The following DDAH1 variants were observed in gnomAD, a reference collection of about 807,000 sequenced individuals.
DDAH1 encodes N(G),N(G)-dimethylarginine dimethylaminohydrolase 1.
DDAH1 carries 19 observed loss-of-function variants against 28.8 expected under a neutral mutation model. That is an observed-to-expected ratio of 0.66 (90% CI 0.46 to 0.97). DDAH1 has a LOEUF of 0.97. DDAH1 is among the 50% of genes least tolerant of loss of function. The pLI is 0.00. For missense variants in DDAH1, 326 were observed against 375.9 expected (o/e 0.87, Z 1.10); for synonymous variants, 153 against 154.4 (o/e 0.99, Z 0.07).
chr1:85,484,974 C>A (rs534447050), intron 2 of DDAH1, among the ~76,000 whole-genome samples: 32 of 152,296 alleles, frequency 2.1e-4, no homozygotes, highest in African/African-American at 7.7e-4. Context: ...TAATACTAAA[C>A]CCTTCTTAGT....
intron 1 of DDAH1, among the ~76,000 whole-genome samples, chr1:85,432,190 G>A (rs1461752916): frequency 6.6e-6 from 1 of 152,152 alleles, no homozygotes; most frequent in African/African-American, 2.4e-5. Context: ...AGAGCATGAA[G>A]AAATGAATAA....
At chr1:85,324,112 A>G (rs1260825964) in intron 5 of DDAH1, among the ~76,000 whole-genome samples, 2 of 151,570 alleles carry the variant, frequency 1.3e-5, no homozygotes, top group African/African-American at 4.8e-5. Flanking sequence ...TCTATTAAAA[A>G]TACAAAAATT....
At chr1:85,576,188 C>T (rs1180112624) in intron 1 of DDAH1, among the ~76,000 whole-genome samples, 1 of 151,912 alleles carries the variant, frequency 6.6e-6, no homozygotes, top group Non-Finnish European at 1.5e-5. Context: ...TAAAATGATG[C>T]CCAACCTATG....
At chr1:85,346,924 AAAC>A (rs2100834439) in intron 4 of DDAH1, among the ~76,000 whole-genome samples, 1 of 152,166 alleles carries the variant, frequency 6.6e-6, no homozygotes, top group African/African-American at 2.4e-5. Flanking sequence ...TACAAGAAAA[AAAC>A]AAACAACCCC....
chr1:85,437,812 T>C (rs1216810574), intron 1 of DDAH1, among the ~76,000 whole-genome samples: 3 of 152,186 alleles, frequency 2.0e-5, no homozygotes, highest in Admixed American at 1.3e-4. Context: ...ACCATTAATG[T>C]TAGGACTTCT....
chr1:85,487,183 C>A, intron 2 of DDAH1, among the ~76,000 whole-genome samples: 1 of 152,340 alleles, frequency 6.6e-6, no homozygotes, highest in Non-Finnish European at 1.5e-5. Context: ...GGACTTCCAA[C>A]CAAGGGAAGT....
chr1:85,380,408 G>C (rs190460634), intron 1 of DDAH1: 1 of 152,140 alleles, frequency 6.6e-6, no homozygotes, highest in Admixed American at 6.5e-5. Context: ...CCAGCATTTT[G>C]TGCTGGCATC....
chr1:85,342,989 T>A (rs1648600165), intron 4 of DDAH1, among the ~76,000 whole-genome samples: 1 of 152,166 alleles, frequency 6.6e-6, no homozygotes, highest in Non-Finnish European at 1.5e-5. Flanking sequence ...ACTTATAGAC[T>A]TTTTCTTTCA....
chr1:85,332,343 C>T (rs1275244937), intron 4 of DDAH1, among the ~76,000 whole-genome samples: 1 of 152,162 alleles, frequency 6.6e-6, no homozygotes, highest in Non-Finnish European at 1.5e-5. Flanking sequence ...GAGGGTGATC[C>T]TGGGACAAAG....
In DDAH1 at chr1:85,536,977, AT is replaced by A. The variant is rs1658304805; in HGVS notation, c.-122-40697del. Among the ~76,000 whole-genome samples the A allele has an allele frequency of 7.0e-4, 41 of 58,940 alleles. 1 individual carries two copies. The highest frequency in any genetic ancestry group is 1.1e-3 in the Non-Finnish European group (35 of 32,122). The allele number at this position is 58,940 out of a possible 152,430, so 38.7% of individuals were successfully genotyped here. ...TATATATATATATATATATATATAT[AT>A]ATATATACGTATATACATACACACA... On this transcript the variant is annotated intron_variant, in intron 1 of 6. Coordinates refer to the DDAH1 transcript ENST00000426972.
At chr1:85,516,501 G>A (rs568529210) in intron 1 of DDAH1, among the ~76,000 whole-genome samples, 26 of 151,594 alleles carry the variant, frequency 1.7e-4, no homozygotes, top group African/African-American at 5.8e-4. Flanking sequence ...GAGTCATTAC[G>A]CTTAGTTTGC....
At chr1:85,540,168 A>G (rs1355919080) in intron 1 of DDAH1, among the ~76,000 whole-genome samples, 24 of 152,210 alleles carry the variant, frequency 1.6e-4, no homozygotes, top group Admixed American at 1.6e-3. Context: ...ACTAGTAAAT[A>G]GAGTATCATC....
intron 2 of DDAH1, among the ~76,000 whole-genome samples, chr1:85,484,929 T>C (rs1412295974): frequency 6.6e-6 from 1 of 152,220 alleles, no homozygotes; most frequent in East Asian, 1.9e-4. Context: ...CATTGGAAGT[T>C]GGCTATTTTG....
chr1:85,371,416 G>A (rs1650378704), intron 1 of DDAH1, among the ~76,000 whole-genome samples: 1 of 152,192 alleles, frequency 6.6e-6, no homozygotes, highest in Non-Finnish European at 1.5e-5. Context: ...TTTGAGGCCA[G>A]GAGTTTGAGG....
intron 2 of DDAH1, among the ~76,000 whole-genome samples, chr1:85,479,972 G>A (rs940017190): frequency 1.3e-5 from 2 of 152,172 alleles, no homozygotes; most frequent in African/African-American, 2.4e-5. Flanking sequence ...TGAAGCAGAC[G>A]TTCAATTAAA....
At chr1:85,501,069 T>C (rs1013759650) in intron 1 of DDAH1, among the ~76,000 whole-genome samples, 10 of 152,220 alleles carry the variant, frequency 6.6e-5, no homozygotes, top group Non-Finnish European at 1.5e-4. Context: ...AGTATGTTTC[T>C]ATTGACTTAA....
intron 1 of DDAH1, among the ~76,000 whole-genome samples, chr1:85,432,404 G>C (rs1032231210): frequency 6.6e-6 from 1 of 152,174 alleles, no homozygotes; most frequent in Non-Finnish European, 1.5e-5. Context: ...CACTAGAACA[G>C]AGATAATGCA....
In DDAH1 at chr1:85,578,033, T is replaced by G. The variant is rs1213713126; in HGVS notation, c.-172A>C. 8 of 985,332 alleles carry G rather than the reference T, an allele frequency of 8.1e-6. No individual in the cohort carries two copies. The Admixed American group carries it at 4.9e-4, about 61-fold the overall frequency. The allele number at this position is 985,332 out of a possible 1,614,324, so 61.0% of individuals were successfully genotyped here. ...TCCTGTCCGTCAACTTGGACTGATC[T>G]GCGGCTCCCAGCGGAGGCGGCGAGA... On this transcript the variant is annotated 5_prime_UTR_variant, in exon 1 of 7. Coordinates refer to the DDAH1 transcript ENST00000426972.
At chr1:85,452,906 A>C (rs535447356) in intron 1 of DDAH1, among the ~76,000 whole-genome samples, 2 of 152,358 alleles carry the variant, frequency 1.3e-5, no homozygotes, top group African/African-American at 2.4e-5. Context: ...AATCCCTGTA[A>C]ACATTTTTGA....
Sources: gnomAD v4.1 joint callset for allele counts (sites outside exome capture counted in the v4.1 genomes callset) on GRCh38, gnomAD v4.1.1 for gene constraint, MANE v1.5 for transcripts, NCBI Gene and HGNC (gene_info 2026-07-23, HGNC 2026-07-21) for gene names.